The following NAV3 variants were observed in gnomAD, a reference collection of about 807,000 sequenced individuals.
NAV3 encodes the protein pore membrane and/or filament interacting like protein 1.
A neutral mutation model predicts 244.7 loss-of-function variants in NAV3; 87 were observed. That is an observed-to-expected ratio of 0.36 (90% CI 0.30 to 0.42). NAV3 has a LOEUF of 0.42. Among genes scored for constraint, NAV3 ranks in the 20% least tolerant of loss-of-function variants. The pLI, the probability that NAV3 is intolerant of heterozygous loss-of-function variation, is 1.00. For synonymous variants in NAV3, 1,126 were observed against 1,042.2 expected (o/e 1.08, Z -1.55); for missense variants, 2,663 against 2,893.3 (o/e 0.92, Z 1.83).
rs1194896227 is a variant in NAV3, at chr12:78,062,775, T to C, written c.2636+3660T>C. On this transcript the variant is annotated intron_variant, in intron 12 of 39. Transcript: ENST00000397909. ...TTCCTATTTTGTGGTTCCCAACTACTTTTGCCAAAGGTCTTTTAAATAATA... is the reference window on the plus strand; with the variant it reads ...TTCCTATTTTGTGGTTCCCAACTACCTTTGCCAAAGGTCTTTTAAATAATA... 1.3e-5 allele frequency among the ~76,000 whole-genome samples: 2 copies of C among 152,160 alleles called. 1 individual carries two copies. Among genetic ancestry groups the C allele is most frequent in the South Asian group, 4.1e-4 (2 of 4,836 alleles).
intron 34 of NAV3, 135 bp from the exon 35 acceptor site, chr12:78,197,112 A>G: frequency 1.8e-6 from 1 of 567,734 alleles, no homozygotes; most frequent in Non-Finnish European, 2.7e-6. Context: ...AAAAGATTTT[A>G]CATCAGTTGA....
chr12:77,655,483 G>C (rs1185126133), intron 2 of NAV3, among the ~76,000 whole-genome samples: 1 of 152,194 alleles, frequency 6.6e-6, no homozygotes, highest in Non-Finnish European at 1.5e-5. Flanking sequence ...CGTCTGATTG[G>C]TGTACCTGAA....
intron 5 of NAV3, among the ~76,000 whole-genome samples, chr12:77,976,688 T>TTTTGAGACGGAGTC (rs1868487105): frequency 7.3e-6 from 1 of 136,594 alleles, no homozygotes; most frequent in Non-Finnish European, 1.6e-5. Context: ...TTTTTTTTTT[T>TTTTGAGACGGAGTC]TTTTGAGACG....
At chr12:77,628,139 G>A (rs754397204) in intron 2 of NAV3, among the ~76,000 whole-genome samples, 2 of 152,164 alleles carry the variant, frequency 1.3e-5, no homozygotes, top group Non-Finnish European at 2.9e-5. Context: ...TTTCAAAATA[G>A]CTAGAAGACT....
At chr12:77,703,087 G>A (rs75350946) in intron 2 of NAV3, among the ~76,000 whole-genome samples, 52 of 151,952 alleles carry the variant, frequency 3.4e-4, no homozygotes, top group East Asian at 7.7e-4. Flanking sequence ...TTATCATGTC[G>A]TTTGATAAGT....
intron 2 of NAV3, among the ~76,000 whole-genome samples, chr12:77,722,731 A>G: frequency 6.6e-6 from 1 of 152,052 alleles, no homozygotes; most frequent in African/African-American, 2.4e-5. Context: ...AAAAGCATGA[A>G]CTGAACTATT....
chr12:77,675,302 G>A (rs1056070413), intron 2 of NAV3, among the ~76,000 whole-genome samples: 2 of 152,202 alleles, frequency 1.3e-5, no homozygotes, highest in Non-Finnish European at 2.9e-5. Flanking sequence ...TGATTGTGGG[G>A]ACGGGCTAGG....
At chr12:77,993,347 T>A (rs1157464584) in intron 5 of NAV3, among the ~76,000 whole-genome samples, 1 of 152,198 alleles carries the variant, frequency 6.6e-6, no homozygotes, top group Non-Finnish European at 1.5e-5. Flanking sequence ...AAAAGGCTTT[T>A]CCTCACTTTG....
At chr12:78,194,499 T>G (rs1959117907) in intron 34 of NAV3, among the ~76,000 whole-genome samples, 1 of 152,082 alleles carries the variant, frequency 6.6e-6, no homozygotes, top group Non-Finnish European at 1.5e-5. Flanking sequence ...ATCAAAAACA[T>G]CACGTTGTTC....
intron 19 of NAV3, among the ~76,000 whole-genome samples, chr12:78,138,827 A>G (rs1046710050): frequency 7.2e-5 from 11 of 152,196 alleles, no homozygotes; most frequent in Non-Finnish European, 1.3e-4. Context: ...TAAGTGGGCA[A>G]GATGGCTTTT....
chr12:78,022,236 T>C (rs542828673), intron 9 of NAV3, among the ~76,000 whole-genome samples: 6 of 152,252 alleles, frequency 3.9e-5, no homozygotes, highest in African/African-American at 1.4e-4. Context: ...TTAAAACATC[T>C]CTACAGGGTG....
chr12:77,722,667 G>A (rs900933356), intron 2 of NAV3, among the ~76,000 whole-genome samples: 4 of 152,002 alleles, frequency 2.6e-5, no homozygotes, highest in Non-Finnish European at 5.9e-5. Context: ...GGAGTCTTTT[G>A]AAGAGTGTCC....
At chr12:77,738,310 C>G (rs1868261472) in intron 2 of NAV3, among the ~76,000 whole-genome samples, 1 of 152,122 alleles carries the variant, frequency 6.6e-6, no homozygotes, top group South Asian at 2.1e-4. Context: ...TCTCCTTAAC[C>G]TCTCTGTGCT....
intron 2 of NAV3, among the ~76,000 whole-genome samples, chr12:77,730,621 T>A (rs1877077402): frequency 6.6e-6 from 1 of 151,860 alleles, no homozygotes; most frequent in Non-Finnish European, 1.5e-5. Flanking sequence ...TAAAATCCTA[T>A]GATCAGGAGT....
intron 2 of NAV3, among the ~76,000 whole-genome samples, chr12:77,715,354 T>C (rs1176861422): frequency 6.6e-6 from 1 of 151,518 alleles, no homozygotes; most frequent in Non-Finnish European, 1.5e-5. Flanking sequence ...AAAACTATGC[T>C]TTCTATGTCT....
At chr12:77,992,355 A>G (rs1593218844) in intron 5 of NAV3, among the ~76,000 whole-genome samples, 1 of 152,228 alleles carries the variant, frequency 6.6e-6, no homozygotes, top group Admixed American at 6.5e-5. Flanking sequence ...ATGGAATTAT[A>G]GATATTTAAT....
At chr12:77,694,224 T>C (rs1264731837) in intron 2 of NAV3, among the ~76,000 whole-genome samples, 1 of 151,792 alleles carries the variant, frequency 6.6e-6, no homozygotes, top group African/African-American at 2.4e-5. Context: ...CCCAGCACTT[T>C]GGGAGGCCGA....
intron 1 of NAV3, among the ~76,000 whole-genome samples, chr12:77,924,169 G>T (rs1887971635): frequency 6.6e-6 from 1 of 152,212 alleles, no homozygotes; most frequent in African/African-American, 2.4e-5. Flanking sequence ...AGTCACTCAA[G>T]AACTCAGACT....
chr12:77,801,015 C>T (rs1258980311), intron 2 of NAV3, among the ~76,000 whole-genome samples: 1 of 152,040 alleles, frequency 6.6e-6, no homozygotes, highest in Non-Finnish European at 1.5e-5. Flanking sequence ...ATATCTATTT[C>T]TTTGATTTGT....
Sources: allele counts gnomAD v4.1 joint callset (sites outside exome capture counted in the v4.1 genomes callset), GRCh38; gene constraint gnomAD v4.1.1; transcripts MANE v1.5; gene names NCBI Gene and HGNC (gene_info 2026-07-23, HGNC 2026-07-21).